ADAMTSL1: variants seen among roughly 807,000 people sequenced by gnomAD.
ADAMTSL1 encodes the protein ADAMTS like 1.
In ADAMTSL1, 126 loss-of-function variants were observed where a neutral mutation model predicts 201.8. The observed-to-expected ratio is 0.62, with a 90% CI of 0.54 to 0.72. ADAMTSL1 has a LOEUF of 0.72. ADAMTSL1 is among the 30% of genes least tolerant of loss of function. ADAMTSL1 has a pLI of 0.00. For missense variants in ADAMTSL1, 2,679 were observed against 2,277.8 expected, an observed-to-expected ratio of 1.18 and a Z score of -3.59; for synonymous variants, 1,121 against 903.4, an observed-to-expected ratio of 1.24 and a Z score of -4.32.
chr9:18,377,759 G>T (rs1837366547), intron 2 of ADAMTSL1, among the ~76,000 whole-genome samples: 1 of 152,206 alleles, frequency 6.6e-6, no homozygotes, highest in Admixed American at 6.5e-5. Context: ...GTAGAGACAG[G>T]ATTTCACCAT....
At chr9:18,463,838 T>G (rs1218734599) in intron 2 of ADAMTSL1, among the ~76,000 whole-genome samples, 4 of 152,396 alleles carry the variant, frequency 2.6e-5, no homozygotes, top group Admixed American at 2.0e-4. Context: ...AAATATCTGT[T>G]TGAATCTCTA....
chr9:17,914,315 T>C (rs1316805461), intron 1 of ADAMTSL1, among the ~76,000 whole-genome samples: 1 of 152,112 alleles, frequency 6.6e-6, no homozygotes, highest in Middle Eastern at 3.2e-3. Context: ...TCAAAAAGCT[T>C]ATCCACCATG....
intron 26 of ADAMTSL1, among the ~76,000 whole-genome samples, chr9:18,900,508 C>A (rs908377664): frequency 6.6e-6 from 1 of 152,092 alleles, no homozygotes; most frequent in Non-Finnish European, 1.5e-5. Context: ...CTCACAATAG[C>A]AAAGGCATGG....
chr9:18,406,523 G>A (rs534010663), intron 2 of ADAMTSL1, among the ~76,000 whole-genome samples: 1 of 152,002 alleles, frequency 6.6e-6, no homozygotes, highest in East Asian at 1.9e-4. Flanking sequence ...TAGAGACAGG[G>A]TTTCACCATG....
intron 12 of ADAMTSL1, among the ~76,000 whole-genome samples, chr9:18,683,962 T>C (rs1587890481): frequency 6.6e-6 from 1 of 152,204 alleles, no homozygotes; most frequent in East Asian, 1.9e-4. Flanking sequence ...TAAAGGCAAA[T>C]ATCCCCATAA....
chr9:18,569,972 A>T lies in ADAMTSL1; in HGVS notation c.238-4058A>T, dbSNP rs1393155348. Among the ~76,000 whole-genome samples the T allele has an allele frequency of 2.6e-5, 4 of 152,204 alleles. No individual in the cohort carries two copies. The South Asian group carries it at 8.3e-4, about 32-fold the overall frequency. ...AAACTGATTACTTGTGGCATCAAAAAGCATCTCTCCAAAAGCTGATATTTC... is the reference window on the plus strand; with the variant it reads ...AAACTGATTACTTGTGGCATCAAAATGCATCTCTCCAAAAGCTGATATTTC... On this transcript the variant is annotated intron_variant, in intron 3 of 28. Transcript: ENST00000380548.
At chr9:18,314,193 G>T (rs886077561) in intron 2 of ADAMTSL1, among the ~76,000 whole-genome samples, 1 of 152,192 alleles carries the variant, frequency 6.6e-6, no homozygotes, top group Non-Finnish European at 1.5e-5. Flanking sequence ...ACATGTTGGT[G>T]AGGATATGGG....
chr9:18,549,094 A>T (rs1043507904), intron 3 of ADAMTSL1, among the ~76,000 whole-genome samples: 2 of 151,996 alleles, frequency 1.3e-5, no homozygotes, highest in African/African-American at 4.8e-5. Flanking sequence ...GAAAGGAAAA[A>T]AATAGTTATC....
chr9:18,032,743 C>T (rs923962106), intron 1 of ADAMTSL1, among the ~76,000 whole-genome samples: 1 of 152,176 alleles, frequency 6.6e-6, no homozygotes, highest in Non-Finnish European at 1.5e-5. Flanking sequence ...CTTGCCAATG[C>T]AAATGTCTGT....
intron 23 of ADAMTSL1, among the ~76,000 whole-genome samples, chr9:18,878,378 C>T (rs1828306863): frequency 1.3e-5 from 2 of 152,220 alleles, no homozygotes; most frequent in African/African-American, 4.8e-5. Context: ...GTGGTCTTTC[C>T]CCAATTCCAC....
At chr9:17,930,061 A>T (rs1242109544) in intron 1 of ADAMTSL1, among the ~76,000 whole-genome samples, 1 of 152,234 alleles carries the variant, frequency 6.6e-6, no homozygotes. Context: ...TATTAATTAC[A>T]GCAGCACCTA....
intron 2 of ADAMTSL1, among the ~76,000 whole-genome samples, chr9:18,270,760 C>T (rs1437426245): frequency 6.6e-6 from 1 of 152,176 alleles, no homozygotes; most frequent in Admixed American, 6.5e-5. Context: ...AGTAACTCTT[C>T]AGCCAAGGAC....
chr9:18,035,719 C>T (rs80069938), intron 1 of ADAMTSL1, among the ~76,000 whole-genome samples: 4,064 of 152,160 alleles, frequency 0.027, 61 homozygotes, highest in Middle Eastern at 0.041. Context: ...TTATGATCAT[C>T]GTCTGCTGTC....
intron 15 of ADAMTSL1, among the ~76,000 whole-genome samples, chr9:18,735,334 G>A (rs1413308477): frequency 6.6e-6 from 1 of 152,194 alleles, no homozygotes; most frequent in East Asian, 1.9e-4. Flanking sequence ...CGTGAAACTA[G>A]GTGTTATAGA....
At chr9:18,296,144 A>G (rs190570520) in intron 2 of ADAMTSL1, among the ~76,000 whole-genome samples, 180 of 152,354 alleles carry the variant, frequency 1.2e-3, no homozygotes, top group African/African-American at 4.1e-3. Context: ...GGGAAAAATC[A>G]GACAAATTCA....
At chr9:18,299,334 C>T (rs960617) in intron 2 of ADAMTSL1, among the ~76,000 whole-genome samples, 15,712 of 152,164 alleles carry the variant, frequency 0.1, 905 homozygotes, top group East Asian at 0.2. Flanking sequence ...TCTCCATTGG[C>T]AGAGAAAATA....
intron 4 of ADAMTSL1, among the ~76,000 whole-genome samples, chr9:18,596,981 CTTTT>C (rs1198377070): frequency 2.0e-5 from 3 of 152,276 alleles, no homozygotes; most frequent in African/African-American, 7.2e-5. Context: ...CTTCTTCTTT[CTTTT>C]GTCTTATATT....
In ADAMTSL1 at chr9:18,736,366, A is replaced by G. The variant is rs148920745; in HGVS notation, c.2006+14701A>G. On this transcript the variant is annotated intron_variant, in intron 15 of 28. Transcript: ENST00000380548. ...TCTTCTTTTTTCTGTGTTACCTGCT[A>G]GGTACTACCATAGGCCTTGGGAAGG... Among the ~76,000 whole-genome samples the G allele has an allele frequency of 3.0e-4, 46 of 152,316 alleles. 1 individual carries two copies. Among genetic ancestry groups the G allele is most frequent in the African/African-American group, 8.7e-4 (36 of 41,578 alleles).
chr9:17,914,864 C>G (rs1826031568), intron 1 of ADAMTSL1, among the ~76,000 whole-genome samples: 1 of 152,112 alleles, frequency 6.6e-6, no homozygotes, highest in Admixed American at 6.5e-5. Context: ...CACAAGCATT[C>G]TTATACACCA....
Sources: allele counts gnomAD v4.1 joint callset (sites outside exome capture counted in the v4.1 genomes callset), GRCh38; gene constraint gnomAD v4.1.1; transcripts MANE v1.5; gene names NCBI Gene and HGNC (gene_info 2026-07-23, HGNC 2026-07-21).